The following ADGRB2 variants were observed in gnomAD, a reference collection of about 807,000 sequenced individuals.
ADGRB2 encodes the protein brain-specific angiogenesis inhibitor 2.
Under a neutral mutation model 178.7 loss-of-function variants are expected in ADGRB2, and 47 were observed. That is an observed-to-expected ratio of 0.26 (90% CI 0.21 to 0.34). The LOEUF (loss-of-function observed/expected upper bound fraction) is 0.34, where lower values mean the gene tolerates loss of function less well. Among genes scored for constraint, ADGRB2 ranks in the 10% least tolerant of loss-of-function variants. The pLI is 1.00. For missense variants in ADGRB2, 1,584 were observed against 2,180.8 expected (o/e 0.73, Z 5.45); for synonymous variants, 870 against 912.4 (o/e 0.95, Z 0.84).
In ADGRB2 at chr1:31,756,295, C is replaced by A. The variant is rs553484048; in HGVS notation, c.542G>T (p.Arg181Leu). ...RLLAPAALAF[R>L]FVEVLLINNN... Reference sequence around the variant, plus strand: ...GTTGATGAGCAAGACCTCGACAAAGCGGAAGGCTAGGGCAGCGGGCGCCAG... The same window carrying A: ...GTTGATGAGCAAGACCTCGACAAAGAGGAAGGCTAGGGCAGCGGGCGCCAG... Residue 181 changes from arginine to leucine, a missense_variant, in exon 4 of 33, where the codon CGC becomes CTC. Coordinates refer to ENST00000373658, the MANE Select transcript of ADGRB2 (RefSeq NM_001364857.2). The surrounding 1 kb of genome is among the most constrained non-coding windows in gnomAD (Gnocchi z 8.5). The A allele has an allele frequency of 6.2e-7, 1 of 1,613,070 alleles. No homozygotes were observed. Among genetic ancestry groups the A allele is most frequent in the East Asian group, 2.2e-5 (1 of 44,886 alleles).
At chr1:31,732,460 G>T in intron 27 of ADGRB2, 57 bp downstream of exon 27, 1 of 1,578,730 alleles carries the variant, frequency 6.3e-7, no homozygotes, top group South Asian at 1.1e-5. Context: ...AGGGCAGGAG[G>T]ATTGGGGTGG....
Position 31,756,679 on chromosome 1 carries a change from G to A in ADGRB2, c.158C>T (p.Ser53Leu). ...GATGGTAGGAAAGAGGTCCTGCAGC[G>A]AGAAGGCCCCGTAGAGCACACCCGA... The part of the protein sequence containing the change: ...LASGVLYGAF[S>L]LQDLFPTIAS... The change falls in exon 4 of 33, where the codon TCG becomes TTG. Residue 53 changes from serine (S) to leucine (L), a missense_variant. Ser to Leu is a moderately radical substitution (Grantham distance 145). Coordinates refer to ENST00000373658, the MANE Select transcript of ADGRB2 (RefSeq NM_001364857.2). The surrounding 1 kb of genome is among the most constrained non-coding windows in gnomAD (Gnocchi z 8.5). 4 of 1,608,780 alleles carry A rather than the reference G, an allele frequency of 2.5e-6. No individual in the cohort carries two copies. Among genetic ancestry groups the A allele is most frequent in the Non-Finnish European group, 3.4e-6 (4 of 1,177,622 alleles).
Position 31,729,985 on chromosome 1 carries a change from A to G in ADGRB2, c.4380+815T>C, listed in dbSNP as rs968898151. Reference sequence around the variant, plus strand: ...AATTTTCGTCTTGTGGCGGATGGGGAGTGGGTTTCTGAGGCCGAGCAGGAA... The same window carrying G: ...AATTTTCGTCTTGTGGCGGATGGGGGGTGGGTTTCTGAGGCCGAGCAGGAA... On this transcript the variant is annotated intron_variant, in intron 29 of 32. Transcript: ENST00000373658. Among the ~76,000 whole-genome samples, 9 of 152,190 alleles carry G rather than the reference A, an allele frequency of 5.9e-5. No individual in the cohort carries two copies. In the South Asian group the frequency reaches 1.9e-3, roughly 32 times the overall value.
chr1:31,747,589 T>C (rs1646342344), intron 4 of ADGRB2, among the ~76,000 whole-genome samples: 1 of 152,176 alleles, frequency 6.6e-6, no homozygotes, highest in Non-Finnish European at 1.5e-5. Flanking sequence ...CCCTCTTCTA[T>C]GTGCCCTTTC....
intron 14 of ADGRB2, 109 bp from the exon 15 acceptor site, chr1:31,739,744 G>T: frequency 7.6e-7 from 1 of 1,323,768 alleles, no homozygotes; most frequent in Non-Finnish European, 1.0e-6. Context: ...AAAGGTAGAT[G>T]TGGACACCGA....
chr1:31,735,605 C>T lies in ADGRB2; in HGVS notation c.3328G>A (p.Asp1110Asn), dbSNP rs759075913. The T allele has an allele frequency of 1.7e-5, 28 of 1,613,602 alleles. No individual in the cohort carries two copies. The highest frequency in any genetic ancestry group is 4.4e-5 in the South Asian group (4 of 91,028). Residue 1110 changes from aspartate (D) to asparagine (N), a missense_variant, in exon 24 of 33, where the codon GAC becomes AAC. Around this residue, in one of 3 missense-constraint regions of ADGRB2, gnomAD observed 865 missense variants for 1,192.8 expected, o/e 0.73. Coordinates refer to ENST00000373658, the MANE Select transcript of ADGRB2 (RefSeq NM_001364857.2). The surrounding 1 kb of genome is among the most constrained non-coding windows in gnomAD (Gnocchi z 6.0). The stretch of plus-strand genomic sequence containing the variant: ...CCGGCCCTCTGCTTCTTGGATTTGT[C>T]GGAGATGCCATCACGTGCCATGAGC... ...NKLMARDGIS[D>N]KSKKQRAGSE...
chr1:31,739,926 C>G lies in ADGRB2; in HGVS notation c.2167G>C (p.Val723Leu). ...CCCACCCTTGCCTGACTCCTTCTAC[C>G]TAGATTATCTGTGACAATCAGAGAG... ...QSSLIVTDNL[V>L]ISIQREPVSA... The change falls in exon 14 of 33, where the codon GTG becomes CTG. Residue 723 changes from valine (V) to leucine (L), a missense_variant and splice_region_variant. Physicochemically the swap from Val to Leu is conservative, Grantham distance 32. Transcript: ENST00000373658. 6.2e-7 allele frequency: 1 copy of G among 1,613,580 alleles called. No homozygotes were observed. Among genetic ancestry groups the G allele is most frequent in the Non-Finnish European group, 8.5e-7 (1 of 1,179,496 alleles).
Position 31,755,896 on chromosome 1 carries a change from C to A in ADGRB2, c.838+103G>T. On this transcript the variant is annotated intron_variant, in intron 4 of 32. Transcript: ENST00000373658. The surrounding 1 kb of genome is among the most constrained non-coding windows in gnomAD (Gnocchi z 5.1). ...ACAAGGCTCAGCAGAGGGGTGACAT[C>A]AGTGAACAGCTACATGCATGGCCGA... 6.9e-7 allele frequency: 1 copy of A among 1,454,370 alleles called. No homozygotes were observed. The highest frequency in any genetic ancestry group is 9.3e-7 in the Non-Finnish European group (1 of 1,076,212). The allele number at this position is 1,454,370 out of a possible 1,614,324, so 90.1% of individuals were successfully genotyped here.
At chr1:31,737,311 C>T in intron 20 of ADGRB2, 118 bp downstream of exon 20, 1 of 955,338 alleles carries the variant, frequency 1.0e-6, no homozygotes, top group South Asian at 1.5e-5. Context: ...CTAATCCCAA[C>T]ATGGGGCACA....
rs758504679 is a variant in ADGRB2 at position 31,728,572 on chromosome 1, C to G, written c.4416+26G>C. On this transcript the variant is annotated intron_variant, in intron 30 of 32. Coordinates refer to ENST00000373658, the MANE Select transcript of ADGRB2 (RefSeq NM_001364857.2). This position sits in a 1 kb window ranked among gnomAD's most constrained non-coding sequence, Gnocchi z 6.7. ...ACAGACACCACAGCCAGATGTCCCA[C>G]CGCCCAGCACACACATGGCCCTTAC... 19 of 1,613,968 alleles carry G rather than the reference C, an allele frequency of 1.2e-5. No individual in the cohort carries two copies. The South Asian group carries it at 2.0e-4, about 17-fold the overall frequency.
chr1:31,732,896 G>C, intron 26 of ADGRB2, 76 bp downstream of exon 26: 1 of 1,494,980 alleles, frequency 6.7e-7, no homozygotes, highest in Non-Finnish European at 9.0e-7. Flanking sequence ...CGATCCTCCC[G>C]GTCTGCACAG....
Position 31,742,880 on chromosome 1 carries a change from G to T in ADGRB2, c.1210C>A (p.Pro404Thr). ...CTGCAGAGCTTAGTCTGCAGCTCAG[G>T]ACCCTCGCAGGCCTTGCCGCCGTGC... ...PQHGGKACEG[P>T]ELQTKLCSMA... The change falls in exon 7 of 33, where the codon CCT becomes ACT. Residue 404 changes from proline to threonine, a missense_variant. Physicochemically the swap from Pro to Thr is conservative, Grantham distance 38 (BLOSUM62 -1). Transcript: ENST00000373658. The T allele has an allele frequency of 6.5e-7, 1 of 1,538,468 alleles. No homozygotes were observed. Among genetic ancestry groups the T allele is most frequent in the Non-Finnish European group, 8.8e-7 (1 of 1,140,844 alleles).
chr1:31,737,821 CCCT>C, intron 18 of ADGRB2, 66 bp from the exon 19 acceptor site: 2 of 1,402,624 alleles, frequency 1.4e-6, no homozygotes, highest in South Asian at 2.4e-5. Context: ...GTGCCCTGTC[CCCT>C]CATCTACCAT....
Position 31,740,215 on chromosome 1 carries a change from C to A in ADGRB2, c.1990-37G>T, listed in dbSNP as rs1211931285. 2.5e-6 allele frequency: 4 copies of A among 1,613,458 alleles called. No homozygotes were observed. Among genetic ancestry groups the A allele is most frequent in the Non-Finnish European group, 3.4e-6 (4 of 1,179,724 alleles). ...GCAATGAGTGGCAGGGGGTCCTAGC[C>A]CCAGGGAACAGGGGGCTTCCCCCAC... On this transcript the variant is annotated intron_variant, in intron 12 of 32. Transcript: ENST00000373658. The surrounding 1 kb of genome is among the most constrained non-coding windows in gnomAD (Gnocchi z 5.9).
intron 28 of ADGRB2, among the ~76,000 whole-genome samples, chr1:31,731,696 C>T (rs867518411): frequency 2.6e-5 from 4 of 152,280 alleles, no homozygotes; most frequent in East Asian, 3.9e-4. Flanking sequence ...CACAGCCCCA[C>T]GGCTGTCAAA....
In ADGRB2 at chr1:31,735,898, G is replaced by A. The variant is rs1293565358; in HGVS notation, c.3201-5C>T. 3 of 1,586,280 alleles carry A rather than the reference G, an allele frequency of 1.9e-6. No individual in the cohort carries two copies. In the African/African-American group the frequency reaches 4.0e-5, roughly 21 times the overall value. On this transcript the variant is annotated splice_region_variant and splice_polypyrimidine_tract_variant and intron_variant, in intron 22 of 32. Coordinates refer to ENST00000373658, the MANE Select transcript of ADGRB2 (RefSeq NM_001364857.2). The surrounding 1 kb of genome is among the most constrained non-coding windows in gnomAD (Gnocchi z 6.0). The stretch of plus-strand genomic sequence containing the variant: ...CCCTCCAGGGAGAGCCAGCAGCTGG[G>A]GTGGGGGAGAAGAAGGGTGTCAGAC...
Position 31,739,627 on chromosome 1 carries a change from T to G in ADGRB2, c.2176A>C (p.Ile726Leu). The change falls in exon 15 of 33, where the codon ATT (isoleucine) becomes CTT (leucine). Residue 726 changes from isoleucine to leucine, a missense_variant. By Grantham distance (5) the Ile-to-Leu change is conservative. Transcript: ENST00000373658. ...LIVTDNLVIS[I>L]QREPVSAVSS... is the part of the protein sequence containing the mutation. ...ACAGCTGAGACGGGCTCTCGCTGAA[T>G]GCTGATCACTGCAGTGGGAGGAGGG... The G allele has an allele frequency of 6.3e-7, 1 of 1,584,010 alleles. No individual in the cohort carries two copies. The highest frequency in any genetic ancestry group is 1.2e-5 in the South Asian group (1 of 86,084).
At position 31,744,220 on chromosome 1, in the gene ADGRB2, G is replaced by A. The variant is rs148622443; in HGVS notation, c.1060C>T (p.Pro354Ser). 278 of 1,542,070 alleles carry A rather than the reference G, an allele frequency of 1.8e-4. No homozygotes were observed. The highest frequency in any genetic ancestry group is 1.9e-4 in the Non-Finnish European group (215 of 1,141,306). ...GGGCAGGTGGCTGAATTGTTGCAGG[G>A]CCTGGTCTCCCGCAGGGGCCCGCTG... The part of the protein sequence containing the change: ...LCSGPLRETR[P>S]CNNSATCPVH... Residue 354 changes from proline (P) to serine (S), a missense_variant, in exon 6 of 33, where the codon CCC (proline) becomes TCC (serine). Around this residue, in one of 3 missense-constraint regions of ADGRB2, gnomAD observed 657 missense variants for 847.6 expected, o/e 0.78. Coordinates refer to ENST00000373658, the MANE Select transcript of ADGRB2 (RefSeq NM_001364857.2). This position sits in a 1 kb window ranked among gnomAD's most constrained non-coding sequence, Gnocchi z 6.7.
Position 31,736,615 on chromosome 1 carries a change from G to A in ADGRB2, c.3088C>T (p.Arg1030Cys), listed in dbSNP as rs1437351799. The A allele has an allele frequency of 3.7e-6, 6 of 1,613,996 alleles. No individual in the cohort carries two copies. The highest frequency in any genetic ancestry group is 2.2e-5 in the East Asian group (1 of 44,888). The change falls in exon 21 of 33, where the codon CGC becomes TGC. Residue 1030 changes from arginine (R) to cysteine (C), a missense_variant. Transcript: ENST00000373658. ...AAGCGCTTGCGAACGAGGCGGGTGC[G>A]CATCCGCCCAATGACAGCCAGGTAG... The part of the protein sequence containing the change: ...QSYLAVIGRM[R>C]TRLVRKRFLC...
Sources: gnomAD v4.1 joint callset for allele counts (sites outside exome capture counted in the v4.1 genomes callset) on GRCh38, gnomAD v4.1.1 for gene constraint, gnomAD v4.1.1 regional missense constraint, Gnocchi (gnomAD v3.1) non-coding constraint, MANE v1.5 for transcripts, NCBI Gene and HGNC (gene_info 2026-07-23, HGNC 2026-07-21) for gene names.